The following KANSL1 variants were observed in gnomAD, a reference collection of about 807,000 sequenced individuals.
KANSL1 encodes the protein KAT8 regulatory NSL complex subunit 1.
KANSL1 carries 22 observed loss-of-function variants against 103.6 expected under a neutral mutation model. The ratio of observed to expected loss-of-function variants is 0.21; its 90% CI spans 0.15 to 0.30. The LOEUF (loss-of-function observed/expected upper bound fraction) is 0.30. Ranked by LOEUF, KANSL1 falls within the 10% of genes least tolerant of loss-of-function variation. The pLI is 1.00. For synonymous variants in KANSL1, 600 were observed against 527.6 expected, an observed-to-expected ratio of 1.14 and a Z score of -1.88; for missense variants, 1,337 against 1,399.8, an observed-to-expected ratio of 0.96 and a Z score of 0.72.
chr17:46,136,383 A>C (rs1243787758), intron 2 of KANSL1, among the ~76,000 whole-genome samples: 1 of 152,240 alleles, frequency 6.6e-6, no homozygotes, highest in Non-Finnish European at 1.5e-5. Flanking sequence ...GCACATGTTC[A>C]CATACCCATA....
intron 7 of KANSL1, chr17:46,045,074 A>C (rs576900029): frequency 3.9e-5 from 6 of 152,182 alleles, no homozygotes; most frequent in Non-Finnish European, 7.3e-5. Context: ...AGAGGTTGTA[A>C]GGGTGGCCCA....
chr17:46,167,853 G>A (rs191481744), intron 2 of KANSL1, among the ~76,000 whole-genome samples: 2 of 152,314 alleles, frequency 1.3e-5, no homozygotes, highest in African/African-American at 4.8e-5. Flanking sequence ...TCTGGGAGGT[G>A]GGAAAGAAAA....
At chr17:46,205,582 G>A (rs2047938836) in intron 1 of KANSL1, among the ~76,000 whole-genome samples, 1 of 151,278 alleles carries the variant, frequency 6.6e-6, no homozygotes, top group Non-Finnish European at 1.5e-5. Flanking sequence ...TCAGGAGGCT[G>A]AGGCAGTGGA....
intron 2 of KANSL1, among the ~76,000 whole-genome samples, chr17:46,155,445 G>A (rs777011816): frequency 4.9e-4 from 75 of 152,236 alleles, no homozygotes; most frequent in Non-Finnish European, 6.3e-4. Flanking sequence ...GGTGTGAACC[G>A]CTGCTCCCAG....
At chr17:46,205,115 C>A (rs118144601) in intron 1 of KANSL1, among the ~76,000 whole-genome samples, 6,516 of 151,530 alleles carry the variant, frequency 0.043, 193 homozygotes, top group East Asian at 0.089. Context: ...ATGGCCAGGG[C>A]AAATAGGCAA....
chr17:46,200,767 CT>C (rs1407053613), intron 1 of KANSL1, among the ~76,000 whole-genome samples: 1 of 151,818 alleles, frequency 6.6e-6, no homozygotes, highest in East Asian at 1.9e-4. Flanking sequence ...ATATATTTTT[CT>C]TTTTACGTCA....
chr17:46,184,898 G>A (rs1200444281), intron 1 of KANSL1, among the ~76,000 whole-genome samples: 4 of 149,162 alleles, frequency 2.7e-5, no homozygotes, highest in South Asian at 2.1e-4. Flanking sequence ...GGAGTGCAGC[G>A]GCACAATATT....
chr17:46,083,421 T>C (rs1184828791), intron 3 of KANSL1, among the ~76,000 whole-genome samples: 1 of 152,112 alleles, frequency 6.6e-6, no homozygotes, highest in Admixed American at 6.5e-5. Context: ...TTAATGGAAA[T>C]TTATTATCAG....
intron 4 of KANSL1, among the ~76,000 whole-genome samples, chr17:46,068,570 A>T (rs1194993081): frequency 3.3e-5 from 5 of 152,158 alleles, no homozygotes. Flanking sequence ...CCCTGTCTCA[A>T]TGAATAAATA....
At chr17:46,084,707 A>T (rs2079102085) in intron 3 of KANSL1, among the ~76,000 whole-genome samples, 2 of 148,834 alleles carry the variant, frequency 1.3e-5, no homozygotes, top group Admixed American at 1.3e-4. Flanking sequence ...TAAAAAAAAA[A>T]AAAAAAAAAA....
At chr17:46,210,920 G>A (rs1450681077) in intron 1 of KANSL1, among the ~76,000 whole-genome samples, 1 of 152,200 alleles carries the variant, frequency 6.6e-6, no homozygotes, top group African/African-American at 2.4e-5. Flanking sequence ...CAGTTCCCGT[G>A]TAGACAAAAT....
At chr17:46,185,700 C>CACAT (rs1555583147) in intron 1 of KANSL1, among the ~76,000 whole-genome samples, 259 of 71,626 alleles carry the variant, frequency 3.6e-3, no homozygotes, top group Non-Finnish European at 7.3e-3. Context: ...TATACACACA[C>CACAT]ACACACACAC....
At chr17:46,094,851 C>G in intron 2 of KANSL1, 150 bp from the exon 3 acceptor site, 1 of 875,916 alleles carries the variant, frequency 1.1e-6, no homozygotes, top group Admixed American at 2.8e-5. Context: ...AGACACCTCC[C>G]GCTCATCAGG....
chr17:46,151,953 T>C (rs902146335), intron 2 of KANSL1, among the ~76,000 whole-genome samples: 1 of 152,230 alleles, frequency 6.6e-6, no homozygotes, highest in African/African-American at 2.4e-5. Flanking sequence ...ATTTTAAACA[T>C]ACAGATGCTT....
At position 46,096,311 on chromosome 17, in the gene KANSL1, C is replaced by CTTTCTTTCTTTCTTTTTTTTTTT. The variant is rs753073992; in HGVS notation, c.1290-1611_1290-1610insAAAAAAAAAAAGAAAGAAAGAAA. ...CATACTACATACCTGGCTTTTTTTT[C>CTTTCTTTCTTTCTTTTTTTTTTT]TTTTTTTTTTTTTTTTTTTTTGAGA... On this transcript the variant is annotated intron_variant, in intron 2 of 14. Transcript: ENST00000432791. 6.9e-4 allele frequency among the ~76,000 whole-genome samples: 53 copies of CTTTCTTTCTTTCTTTTTTTTTTT among 76,382 alleles called. 2 individuals carry two copies. The highest frequency in any genetic ancestry group is 1.1e-3 in the Non-Finnish European group (43 of 40,666). The allele number at this position is 76,382 out of a possible 152,430, so 50.1% of individuals were successfully genotyped here. A position where few individuals can be genotyped will look rare whatever the true frequency, so the allele number is the denominator to read the frequency against.
intron 2 of KANSL1, among the ~76,000 whole-genome samples, chr17:46,137,093 C>G (rs1279091559): frequency 6.6e-6 from 1 of 151,524 alleles, no homozygotes; most frequent in Non-Finnish European, 1.5e-5. Flanking sequence ...AGCAAGTGCA[C>G]TAAGAGCATC....
intron 1 of KANSL1, among the ~76,000 whole-genome samples, chr17:46,187,086 A>G (rs1443612335): frequency 6.6e-6 from 1 of 152,202 alleles, no homozygotes; most frequent in Non-Finnish European, 1.5e-5. Context: ...GAAACTAGCT[A>G]CAGTACTTAG....
chr17:46,094,664 C>A lies in KANSL1; in HGVS notation c.1327G>T (p.Ala443Ser). Residue 443 changes from alanine (A) to serine (S), a missense_variant, in exon 3 of 15, where the codon GCA (alanine) becomes TCA (serine). Ala to Ser is a moderately conservative substitution (Grantham distance 99). Transcript: ENST00000432791. ...RSEWKWAADR[A>S]AIVSRWNWLQ... ...CAGTTCCAGCGGCTGACAATAGCTG[C>A]CCGGTCTGCAGCCCATTTCCATTCT... 1 of 1,614,178 alleles carries A rather than the reference C, an allele frequency of 6.2e-7. No homozygotes were observed. The highest frequency in any genetic ancestry group is 8.5e-7 in the Non-Finnish European group (1 of 1,180,038).
intron 2 of KANSL1, among the ~76,000 whole-genome samples, chr17:46,164,485 C>T (rs866104635): frequency 1.0e-4 from 16 of 152,392 alleles, no homozygotes; most frequent in African/African-American, 3.8e-4. Flanking sequence ...TGAAAGTTTA[C>T]TCAGCTCTGA....
Sources: allele counts gnomAD v4.1 joint callset (sites outside exome capture counted in the v4.1 genomes callset), GRCh38; gene constraint gnomAD v4.1.1; transcripts MANE v1.5; gene names NCBI Gene and HGNC (gene_info 2026-07-23, HGNC 2026-07-21).